The following JAKMIP2 variants were observed in gnomAD, a reference collection of about 807,000 sequenced individuals.
The protein encoded by JAKMIP2 is janus kinase and microtubule interacting protein 2, also known as janus kinase and microtubule-interacting protein 2.
A neutral mutation model predicts 115.0 loss-of-function variants in JAKMIP2; 25 were observed. The ratio of observed to expected loss-of-function variants is 0.22; its 90% CI spans 0.16 to 0.30. JAKMIP2 has a LOEUF of 0.30. JAKMIP2 is among the 10% of genes least tolerant of loss of function. The probability of loss-of-function intolerance (pLI) is 1.00; values close to 1 mark genes in which losing one functional copy is unlikely to be tolerated. For synonymous variants in JAKMIP2, 334 were observed against 343.6 expected (o/e 0.97, Z 0.31); for missense variants, 642 against 957.6 (o/e 0.67, Z 4.35).
intron 19 of JAKMIP2, among the ~76,000 whole-genome samples, chr5:147,614,382 A>G (rs1201058002): frequency 6.6e-6 from 1 of 152,228 alleles, no homozygotes; most frequent in Admixed American, 6.5e-5. Flanking sequence ...TAAATGTGTT[A>G]TGCTACATCA....
At chr5:147,738,364 G>A (rs1291354303) in intron 1 of JAKMIP2, among the ~76,000 whole-genome samples, 3 of 152,164 alleles carry the variant, frequency 2.0e-5, no homozygotes, top group Admixed American at 1.3e-4. Context: ...TGTTCAACCA[G>A]TTTTGCTTGT....
In JAKMIP2 at chr5:147,640,925, A is replaced by C. The variant is rs1195646218; in HGVS notation, c.1282-102T>G. ...GCATACGTGTAAGTGAATATAGAAG[A>C]CATGGATCCTCTATGCTTCTTTGTT... On this transcript the variant is annotated intron_variant, in intron 8 of 21. Coordinates refer to ENST00000616793, the MANE Select transcript of JAKMIP2 (RefSeq NM_001270941.2). The C allele has an allele frequency of 3.2e-6, 3 of 951,742 alleles. No homozygotes were observed. In the African/African-American group the frequency reaches 5.0e-5, roughly 16 times the overall value. 59.0% of individuals were successfully genotyped at this position (951,742 alleles called of 1,614,324 possible). A position where few individuals can be genotyped will look rare whatever the true frequency, so the allele number is the denominator to read the frequency against.
chr5:147,643,061 A>T (rs1355263507), intron 7 of JAKMIP2, among the ~76,000 whole-genome samples: 1 of 152,024 alleles, frequency 6.6e-6, no homozygotes, highest in Non-Finnish European at 1.5e-5. Context: ...CAGCTTGCAG[A>T]TGACCTATTG....
In JAKMIP2 at chr5:147,777,658, T is replaced by A. The variant is rs552872108; in HGVS notation, c.-149+4798A>T. ...AAAACTTTAAGCAACAAAATTTACT[T>A]GTAGTAATGAATAATGATTTAAAGA... On this transcript the variant is annotated intron_variant, in intron 1 of 21. Coordinates refer to ENST00000616793, the MANE Select transcript of JAKMIP2 (RefSeq NM_001270941.2). 2.6e-5 allele frequency among the ~76,000 whole-genome samples: 4 copies of A among 152,256 alleles called. No homozygotes were observed. In the South Asian group the frequency reaches 8.3e-4, roughly 32 times the overall value.
intron 1 of JAKMIP2, among the ~76,000 whole-genome samples, chr5:147,700,639 T>A (rs1220348294): frequency 6.6e-6 from 1 of 152,144 alleles, no homozygotes; most frequent in Non-Finnish European, 1.5e-5. Context: ...GTTTCCCCAT[T>A]TTGTCACTAC....
intron 1 of JAKMIP2, among the ~76,000 whole-genome samples, chr5:147,766,195 G>A (rs1419697213): frequency 6.6e-6 from 1 of 152,096 alleles, no homozygotes; most frequent in African/African-American, 2.4e-5. Flanking sequence ...GAGAATAAGT[G>A]AAGTCCATAA....
chr5:147,650,639 T>A, intron 3 of JAKMIP2, 92 bp from the exon 4 acceptor site: 1 of 939,050 alleles, frequency 1.1e-6, no homozygotes, highest in African/African-American at 1.7e-5. Context: ...TTTTATCTGA[T>A]TGATACAGAA....
At chr5:147,761,067 T>C (rs1188224214) in intron 1 of JAKMIP2, among the ~76,000 whole-genome samples, 1 of 152,160 alleles carries the variant, frequency 6.6e-6, no homozygotes, top group Non-Finnish European at 1.5e-5. Flanking sequence ...GGGTGAATCT[T>C]CTTTCTTTAA....
intron 1 of JAKMIP2, among the ~76,000 whole-genome samples, chr5:147,681,059 T>C (rs1760240940): frequency 6.6e-6 from 1 of 152,212 alleles, no homozygotes; most frequent in Non-Finnish European, 1.5e-5. Context: ...TTACAAATTA[T>C]TTAATGTCAA....
intron 1 of JAKMIP2, among the ~76,000 whole-genome samples, chr5:147,688,541 A>G (rs1345283671): frequency 6.6e-6 from 1 of 152,190 alleles, no homozygotes; most frequent in Non-Finnish European, 1.5e-5. Flanking sequence ...ATAATAAATA[A>G]TAGTCATTAA....
chr5:147,678,597 AAC>A (rs145399069), intron 1 of JAKMIP2, among the ~76,000 whole-genome samples: 3,549 of 152,250 alleles, frequency 0.023, 145 homozygotes, highest in African/African-American at 0.082. Context: ...TTGAATGACA[AAC>A]ACTGCAATAT....
In JAKMIP2 at chr5:147,660,972, C is replaced by T. The variant is rs1158689043; in HGVS notation, c.603G>A (p.Glu201=). The change falls in exon 3 of 22, where the codon GAG becomes GAA. Residue 201 remains glutamate, a synonymous_variant. Coordinates refer to ENST00000616793, the MANE Select transcript of JAKMIP2 (RefSeq NM_001270941.2). ...HQEAISKIKW[E]SERDIRRLMD... The stretch of plus-strand genomic sequence containing the variant: ...CCAGCCTCCGAATATCCCGCTCCGA[C>T]TCCCACTTGATCTTCGAGATGGCTT... 33 of 1,613,866 alleles carry T rather than the reference C, an allele frequency of 2.0e-5. No homozygotes were observed. Among genetic ancestry groups the T allele is most frequent in the Non-Finnish European group, 2.7e-5 (32 of 1,180,016 alleles).
chr5:147,654,839 G>A (rs1719743162), intron 3 of JAKMIP2, among the ~76,000 whole-genome samples: 2 of 152,102 alleles, frequency 1.3e-5, no homozygotes, highest in South Asian at 4.1e-4. Flanking sequence ...TATGATATTG[G>A]CTATGGGTTT....
At chr5:147,739,029 T>C (rs756841834) in intron 1 of JAKMIP2, among the ~76,000 whole-genome samples, 1 of 152,086 alleles carries the variant, frequency 6.6e-6, no homozygotes, top group Admixed American at 6.5e-5. Context: ...GTTTAAGTGA[T>C]TTGGGGCAAG....
At chr5:147,606,243 A>G (rs1237277147) in intron 20 of JAKMIP2, among the ~76,000 whole-genome samples, 1 of 152,124 alleles carries the variant, frequency 6.6e-6, no homozygotes, top group African/African-American at 2.4e-5. Flanking sequence ...TGTTTTAGTC[A>G]TGAAGTCTTT....
At chr5:147,697,908 G>A (rs1752169577) in intron 1 of JAKMIP2, among the ~76,000 whole-genome samples, 1 of 152,232 alleles carries the variant, frequency 6.6e-6, no homozygotes, top group Admixed American at 6.5e-5. Flanking sequence ...AGTCACCACT[G>A]GGGCACTGCC....
intron 12 of JAKMIP2, among the ~76,000 whole-genome samples, chr5:147,635,372 T>C (rs181695356): frequency 1.1e-3 from 160 of 151,748 alleles, no homozygotes; most frequent in Non-Finnish European, 1.7e-3. Flanking sequence ...GAATACTGTT[T>C]TATGTTTTAA....
At chr5:147,707,075 G>A (rs1561550164) in intron 1 of JAKMIP2, among the ~76,000 whole-genome samples, 1 of 152,110 alleles carries the variant, frequency 6.6e-6, no homozygotes, top group Non-Finnish European at 1.5e-5. Flanking sequence ...GCACTATGAT[G>A]TAAATATATA....
chr5:147,680,424 T>G (rs765917418), intron 1 of JAKMIP2, among the ~76,000 whole-genome samples: 1 of 152,214 alleles, frequency 6.6e-6, no homozygotes. Flanking sequence ...AAAGTCATTA[T>G]TAATCTCAAG....
Sources: allele counts gnomAD v4.1 joint callset (sites outside exome capture counted in the v4.1 genomes callset), GRCh38; gene constraint gnomAD v4.1.1; transcripts MANE v1.5; gene names NCBI Gene and HGNC (gene_info 2026-07-23, HGNC 2026-07-21).